RELN: variants seen among roughly 807,000 people sequenced by gnomAD.
RELN encodes the protein reelin.
Under a neutral mutation model 427.6 loss-of-function variants are expected in RELN, and 108 were observed. The observed-to-expected ratio is 0.25, with a 90% CI of 0.22 to 0.30. The LOEUF (loss-of-function observed/expected upper bound fraction) is 0.30, where lower values mean the gene tolerates loss of function less well. Ranked by LOEUF, RELN falls within the 10% of genes least tolerant of loss-of-function variation. The pLI, the probability that RELN is intolerant of heterozygous loss-of-function variation, is 1.00. For missense variants in RELN, 3,715 were observed against 4,302.8 expected (o/e 0.86, Z 3.82); for synonymous variants, 1,524 against 1,513.4 (o/e 1.01, Z -0.16).
intron 2 of RELN, among the ~76,000 whole-genome samples, chr7:103,880,802 A>C (rs4729935): frequency 0.4 from 61,237 of 151,882 alleles, 12,676 homozygotes; most frequent in Non-Finnish European, 0.43. Flanking sequence ...AAGCAATCCT[A>C]CCACCTCAGC....
At chr7:103,886,273 A>G (rs1010709297) in intron 2 of RELN, among the ~76,000 whole-genome samples, 1 of 152,224 alleles carries the variant, frequency 6.6e-6, no homozygotes, top group Non-Finnish European at 1.5e-5. Flanking sequence ...TAGGATAGAG[A>G]ACTCATTATT....
intron 3 of RELN, among the ~76,000 whole-genome samples, chr7:103,805,634 AC>A (rs1486291838): frequency 2.6e-5 from 4 of 152,174 alleles, no homozygotes; most frequent in African/African-American, 9.6e-5. Context: ...CTTCTCTTAG[AC>A]TTGGCCTGGT....
rs958634574 is a variant in RELN, at chr7:103,808,871, G to A, written c.473+24666C>T. 8.5e-5 allele frequency among the ~76,000 whole-genome samples: 13 copies of A among 152,048 alleles called. No homozygotes were observed. The East Asian group carries it at 1.2e-3, about 14-fold the overall frequency. ...GAAAAGAGAAAACTGAAACAGAAAC[G>A]GGGTTAATCCTCAATGACATAAAGC... On this transcript the variant is annotated intron_variant, in intron 3 of 64. Transcript: ENST00000428762.
At chr7:103,711,057 T>TTAAA (rs200243095) in intron 8 of RELN, among the ~76,000 whole-genome samples, 2 of 151,992 alleles carry the variant, frequency 1.3e-5, no homozygotes, top group South Asian at 2.1e-4. Flanking sequence ...AAAAATTTTT[T>TTAAA]TAAATAAATA....
rs922446198 is a variant in RELN at position 103,492,069 on chromosome 7, G to A, written c.9370-43C>T. 3.5e-6 allele frequency: 5 copies of A among 1,410,282 alleles called. No homozygotes were observed. The African/African-American group carries it at 7.0e-5, about 20-fold the overall frequency. The allele number at this position is 1,410,282 out of a possible 1,614,324, so 87.4% of individuals were successfully genotyped here. A position where few individuals can be genotyped will look rare whatever the true frequency, so the allele number is the denominator to read the frequency against. On this transcript the variant is annotated intron_variant, in intron 57 of 64. Coordinates refer to ENST00000428762, the MANE Select transcript of RELN (RefSeq NM_005045.4). Reference sequence around the variant, plus strand: ...AATCAATACACAGGTAAGATTAGATGATACTGAATTCCATTAATTAAAATC... The same window carrying A: ...AATCAATACACAGGTAAGATTAGATAATACTGAATTCCATTAATTAAAATC...
At chr7:103,855,477 G>A (rs1793923441) in intron 2 of RELN, among the ~76,000 whole-genome samples, 1 of 152,226 alleles carries the variant, frequency 6.6e-6, no homozygotes, top group African/African-American at 2.4e-5. Flanking sequence ...CAAGGAACAT[G>A]CCTGGAAGAT....
At chr7:103,649,193 C>A in intron 16 of RELN, among the ~76,000 whole-genome samples, 1 of 151,934 alleles carries the variant, frequency 6.6e-6, no homozygotes, top group East Asian at 1.9e-4. Flanking sequence ...CTAAAATGTT[C>A]ATTAATGGAT....
chr7:103,939,334 T>C (rs564954769), intron 1 of RELN, among the ~76,000 whole-genome samples: 5 of 152,188 alleles, frequency 3.3e-5, no homozygotes, highest in South Asian at 2.1e-4. Flanking sequence ...AGAAAATAAA[T>C]AGAAAAATGA....
chr7:103,971,444 T>C (rs930289888), intron 1 of RELN, among the ~76,000 whole-genome samples: 2 of 152,180 alleles, frequency 1.3e-5, no homozygotes, highest in Admixed American at 6.5e-5. Context: ...AGATAATTCA[T>C]ACACAGATAT....
intron 2 of RELN, among the ~76,000 whole-genome samples, chr7:103,870,743 C>T (rs1313272150): frequency 6.6e-6 from 1 of 152,066 alleles, no homozygotes; most frequent in Non-Finnish European, 1.5e-5. Flanking sequence ...TTGTTCTCAA[C>T]CCTGTAGCAG....
At chr7:103,848,607 A>G (rs10233074) in intron 2 of RELN, among the ~76,000 whole-genome samples, 21,413 of 152,182 alleles carry the variant, frequency 0.14, 1,712 homozygotes, top group East Asian at 0.29. Flanking sequence ...GCACTCTTCA[A>G]TATCCAGTCT....
chr7:103,579,623 T>C (rs1308176984), intron 28 of RELN, among the ~76,000 whole-genome samples: 4 of 150,532 alleles, frequency 2.7e-5, no homozygotes, highest in Non-Finnish European at 5.9e-5. Flanking sequence ...AAAAAGTACG[T>C]CACAGTGTGG....
chr7:103,862,597 A>G (rs573434636), intron 2 of RELN, among the ~76,000 whole-genome samples: 1 of 151,822 alleles, frequency 6.6e-6, no homozygotes, highest in South Asian at 2.1e-4. Flanking sequence ...TTCACCTTTC[A>G]GGTTCTCTGA....
chr7:103,953,891 C>T lies in RELN; in HGVS notation c.226+35240G>A, dbSNP rs186133228. Among the ~76,000 whole-genome samples the T allele has an allele frequency of 5.3e-5, 8 of 152,134 alleles. No individual in the cohort carries two copies. The highest frequency in any genetic ancestry group is 5.2e-4 in the Admixed American group (8 of 15,262). ...AGGCTGCAATGAGTCAAGACCGTGC[C>T]ACTACATGCCAGGCTGTGCGGCAGA... On this transcript the variant is annotated intron_variant, in intron 1 of 64. Transcript: ENST00000428762. The surrounding 1 kb of genome is among the most constrained non-coding windows in gnomAD (Gnocchi z 4.3).
At position 103,566,667 on chromosome 7, in the gene RELN, A is replaced by G. The variant is rs1324441335; in HGVS notation, c.4681T>C (p.Ser1561Pro). 1.2e-6 allele frequency: 2 copies of G among 1,614,038 alleles called. No homozygotes were observed. Among genetic ancestry groups the G allele is most frequent in the Admixed American group, 1.7e-5 (1 of 59,988 alleles). ...TTCGCGTCCTGTGGCAGGTCAATGG[A>G]AATGATCTGTGGTTCCAGGAAGGAC... The part of the protein sequence containing the change: ...FMSFLEPQII[S>P]IDLPQDAKTP... The change falls in exon 32 of 65, where the codon TCC becomes CCC. Residue 1561 changes from serine to proline, a missense_variant. By Grantham distance (74) the Ser-to-Pro change is moderately conservative (BLOSUM62 -1). This residue lies in a region of RELN where 2,208 missense variants were observed against 2,361.7 expected (regional missense o/e 0.93). Coordinates refer to ENST00000428762, the MANE Select transcript of RELN (RefSeq NM_005045.4).
chr7:103,937,655 G>A (rs974888034), intron 1 of RELN, among the ~76,000 whole-genome samples: 2 of 152,146 alleles, frequency 1.3e-5, no homozygotes, highest in African/African-American at 4.8e-5. Context: ...CTAATGTCCA[G>A]GTACTCTCAA....
At chr7:103,777,883 T>TCACACACACACACACACG (rs1554417535) in intron 3 of RELN, among the ~76,000 whole-genome samples, 2 of 143,870 alleles carry the variant, frequency 1.4e-5, no homozygotes, top group African/African-American at 5.2e-5. Flanking sequence ...TGTTATACCT[T>TCACACACACACACACACG]CACACACACA....
chr7:103,987,315 T>C (rs1797123154), intron 1 of RELN, among the ~76,000 whole-genome samples: 1 of 152,228 alleles, frequency 6.6e-6, no homozygotes, highest in African/African-American at 2.4e-5. Context: ...ACTTTATTTC[T>C]ACTCTATGTT....
intron 3 of RELN, among the ~76,000 whole-genome samples, chr7:103,797,481 C>G (rs1368762351): frequency 6.6e-6 from 1 of 152,138 alleles, no homozygotes; most frequent in East Asian, 1.9e-4. Context: ...TTCACAAATG[C>G]TTTTCACCCA....
Sources: gnomAD v4.1 joint callset for allele counts (sites outside exome capture counted in the v4.1 genomes callset) on GRCh38, gnomAD v4.1.1 for gene constraint, gnomAD v4.1.1 regional missense constraint, Gnocchi (gnomAD v3.1) non-coding constraint, MANE v1.5 for transcripts, NCBI Gene and HGNC (gene_info 2026-07-23, HGNC 2026-07-21) for gene names.